Variants in CFAP61 observed in about 807,000 individuals in gnomAD.
CFAP61 encodes cilia- and flagella-associated protein 61.
In CFAP61, 107 loss-of-function variants were observed where a neutral mutation model predicts 135.6. That is an observed-to-expected ratio of 0.79 (90% CI 0.67 to 0.93). The LOEUF is 0.93. Among genes scored for constraint, CFAP61 ranks in the 40% least tolerant of loss-of-function variants. The pLI, the probability that CFAP61 is intolerant of heterozygous loss-of-function variation, is 0.00. For missense variants in CFAP61, 1,507 were observed against 1,556.2 expected (o/e 0.97, Z 0.53); for synonymous variants, 575 against 578.5 (o/e 0.99, Z 0.09).
intron 21 of CFAP61, chr20:20,265,759 G>A: frequency 2.6e-6 from 1 of 385,354 alleles, no homozygotes; most frequent in African/African-American, 2.0e-5. Context: ...ATTTAACTCT[G>A]TGTAGAGGCC....
At chr20:20,129,586 G>C (rs1468375509) in intron 8 of CFAP61, among the ~76,000 whole-genome samples, 2 of 148,276 alleles carry the variant, frequency 1.3e-5, no homozygotes, top group South Asian at 4.3e-4. Flanking sequence ...TCCTGTACCT[G>C]GATATTTATC....
chr20:20,355,742 T>G (rs1008441892), intron 26 of CFAP61, among the ~76,000 whole-genome samples: 1 of 94,274 alleles, frequency 1.1e-5, no homozygotes. Context: ...TGAGGGGAGG[T>G]AGTGACACTA....
chr20:20,245,657 G>A (rs1470205680), intron 18 of CFAP61, among the ~76,000 whole-genome samples: 5 of 152,074 alleles, frequency 3.3e-5, no homozygotes, highest in Admixed American at 3.3e-4. Flanking sequence ...AAAAAAATAG[G>A]GATAATAGTA....
At chr20:20,355,044 G>GTGGTCACACTGTGAGAGGGAAGA (rs1286257812) in intron 26 of CFAP61, among the ~76,000 whole-genome samples, 2 of 147,074 alleles carry the variant, frequency 1.4e-5, no homozygotes, top group African/African-American at 2.5e-5. Flanking sequence ...CTGAGGGGAG[G>GTGGTCACACTGTGAGAGGGAAGA]TGGTCACACT....
At chr20:20,329,054 G>A (rs2057876174) in intron 25 of CFAP61, among the ~76,000 whole-genome samples, 1 of 152,082 alleles carries the variant, frequency 6.6e-6, no homozygotes, top group South Asian at 2.1e-4. Context: ...TGGCTGGTAG[G>A]AATCAACCTT....
intron 8 of CFAP61, among the ~76,000 whole-genome samples, chr20:20,105,449 A>C (rs527372643): frequency 1.3e-5 from 2 of 152,112 alleles, no homozygotes; most frequent in East Asian, 3.9e-4. Context: ...GGCTTTGAGC[A>C]TCTCAGTTCT....
chr20:20,108,642 A>AG lies in CFAP61; in HGVS notation c.859+9829dup, dbSNP rs1358032260. On this transcript the variant is annotated intron_variant, in intron 8 of 26. Transcript: ENST00000245957. ...ATGACAAAAGGGCTGGAGTCATAGA[A>AG]GTGGCAATAGAGCAACGCTTTTATT... 2.0e-5 allele frequency among the ~76,000 whole-genome samples: 3 copies of AG among 152,240 alleles called. No homozygotes were observed. The East Asian group carries it at 5.8e-4, about 29-fold the overall frequency.
intron 8 of CFAP61, among the ~76,000 whole-genome samples, chr20:20,114,615 G>T (rs984107758): frequency 6.6e-6 from 1 of 151,966 alleles, no homozygotes; most frequent in Non-Finnish European, 1.5e-5. Flanking sequence ...TTTGTATATT[G>T]ATTGACCTTA....
intron 6 of CFAP61, among the ~76,000 whole-genome samples, chr20:20,087,461 A>G (rs955450429): frequency 9.2e-5 from 14 of 152,218 alleles, no homozygotes; most frequent in African/African-American, 3.4e-4. Flanking sequence ...TGCAAAGGAC[A>G]TGATTTCATT....
At chr20:20,135,129 A>T (rs1450309600) in intron 8 of CFAP61, among the ~76,000 whole-genome samples, 5 of 152,184 alleles carry the variant, frequency 3.3e-5, no homozygotes, top group African/African-American at 1.2e-4. Flanking sequence ...AGGCAATGTG[A>T]TTATGGAATC....
intron 21 of CFAP61, among the ~76,000 whole-genome samples, chr20:20,275,817 C>G (rs1420925775): frequency 6.6e-6 from 1 of 152,210 alleles, no homozygotes; most frequent in Non-Finnish European, 1.5e-5. Context: ...TGCCAGACAG[C>G]CAAGATTCAT....
intron 13 of CFAP61, among the ~76,000 whole-genome samples, chr20:20,182,006 A>G (rs547396508): frequency 4.4e-4 from 67 of 152,324 alleles, no homozygotes; most frequent in African/African-American, 1.4e-3. Context: ...GGTGCATCCA[A>G]TGAGCCACCA....
chr20:20,098,474 G>T (rs897926009), intron 7 of CFAP61, among the ~76,000 whole-genome samples, 181 bp from the exon 8 acceptor site: 1 of 151,992 alleles, frequency 6.6e-6, no homozygotes, highest in Non-Finnish European at 1.5e-5. Flanking sequence ...GCTGGGTGTG[G>T]TGGCGGGCGC....
chr20:20,101,785 C>G (rs541491677), intron 8 of CFAP61, among the ~76,000 whole-genome samples: 1 of 151,980 alleles, frequency 6.6e-6, no homozygotes, highest in East Asian at 1.9e-4. Context: ...GCCACCACAC[C>G]CAGCTAATTT....
rs370227282 is a variant in CFAP61, at chr20:20,169,480, G to T, written c.1385+20G>T. On this transcript the variant is annotated intron_variant, in intron 13 of 26. Transcript: ENST00000245957. ...GCTCAAGTGAGTAGACACATGTTTG[G>T]CCACACAACAATCCATGAAATTACA... 2 of 1,576,928 alleles carry T rather than the reference G, an allele frequency of 1.3e-6. No individual in the cohort carries two copies. Among genetic ancestry groups the T allele is most frequent in the Admixed American group, 1.7e-5 (1 of 58,942 alleles).
chr20:20,103,215 G>C (rs1600662728), intron 8 of CFAP61, among the ~76,000 whole-genome samples: 1 of 151,986 alleles, frequency 6.6e-6, no homozygotes, highest in Non-Finnish European at 1.5e-5. Context: ...AAAATGCTAG[G>C]TTCTACCTTA....
chr20:20,158,251 A>G (rs1019522329), intron 9 of CFAP61, among the ~76,000 whole-genome samples: 9 of 151,782 alleles, frequency 5.9e-5, no homozygotes, highest in Non-Finnish European at 1.2e-4. Context: ...TAAAAAAAAT[A>G]GATTAAAACA....
chr20:20,106,001 T>TAC (rs2048364468), intron 8 of CFAP61, among the ~76,000 whole-genome samples: 1 of 6,988 alleles, frequency 1.4e-4, no homozygotes, highest in South Asian at 6.0e-3. Context: ...TACTCTTGCC[T>TAC]ATATATATAT....
At chr20:20,348,666 GGCAATAGA>G (rs1439166066) in intron 26 of CFAP61, among the ~76,000 whole-genome samples, 12 of 124,802 alleles carry the variant, frequency 9.6e-5, no homozygotes, top group Non-Finnish European at 1.9e-4. Flanking sequence ...CTACAGCCTG[GGCAATAGA>G]GCAAGACTCC....
Sources: gnomAD v4.1 joint callset for allele counts (sites outside exome capture counted in the v4.1 genomes callset) on GRCh38, gnomAD v4.1.1 for gene constraint, MANE v1.5 for transcripts, NCBI Gene and HGNC (gene_info 2026-07-23, HGNC 2026-07-21) for gene names.